The following TANK variants were observed in gnomAD, a reference collection of about 807,000 sequenced individuals.
TANK encodes the protein TRAF family member associated NFKB activator, also known as TRAF family member-associated NF-kappa-B activator.
Under a neutral mutation model 43.6 loss-of-function variants are expected in TANK, and 15 were observed. The ratio of observed to expected loss-of-function variants is 0.34; its 90% CI spans 0.23 to 0.53. The LOEUF (loss-of-function observed/expected upper bound fraction) is 0.53. TANK is among the 20% of genes least tolerant of loss of function. TANK has a pLI of 0.94. For synonymous variants in TANK, 162 were observed against 178.2 expected, an observed-to-expected ratio of 0.91 and a Z score of 0.73; for missense variants, 417 against 498.6, an observed-to-expected ratio of 0.84 and a Z score of 1.56.
upstream of TANK, chr2:161,160,352 G>C (rs1005825603): frequency 3.7e-5 from 39 of 1,047,696 alleles, no homozygotes; most frequent in East Asian, 1.2e-3. Context: ...TTGTTGGGTG[G>C]AGGTGAAGAG....
intron 4 of TANK, among the ~76,000 whole-genome samples, chr2:161,218,963 A>G (rs921721528): frequency 6.6e-6 from 1 of 152,196 alleles, no homozygotes; most frequent in South Asian, 2.1e-4. Flanking sequence ...TTGGGGAAAG[A>G]GTGAAAGGAG....
intron 1 of TANK, among the ~76,000 whole-genome samples, chr2:161,167,889 G>A (rs990030441): frequency 4.7e-4 from 71 of 152,284 alleles, no homozygotes; most frequent in African/African-American, 1.5e-3. Context: ...CTCCCAGAGT[G>A]CTGGGATTAC....
intron 7 of TANK, among the ~76,000 whole-genome samples, chr2:161,233,581 T>C (rs1343675662): frequency 1.3e-5 from 2 of 152,156 alleles, no homozygotes; most frequent in African/African-American, 4.8e-5. Flanking sequence ...TTATTATTGT[T>C]CTATGTGATT....
chr2:161,178,077 A>G (rs1316606095), intron 1 of TANK, among the ~76,000 whole-genome samples: 1 of 152,128 alleles, frequency 6.6e-6, no homozygotes, highest in Non-Finnish European at 1.5e-5. Flanking sequence ...GAAATGTAGA[A>G]TGGTACAGCT....
intron 4 of TANK, 92 bp downstream of exon 4, chr2:161,204,885 C>T: frequency 6.5e-7 from 1 of 1,540,468 alleles, no homozygotes. Flanking sequence ...TGCTGGAATT[C>T]CAAACAGAAG....
intron 1 of TANK, among the ~76,000 whole-genome samples, chr2:161,147,362 G>T (rs1263889345): frequency 2.0e-5 from 3 of 152,180 alleles, no homozygotes; most frequent in African/African-American, 7.2e-5. Flanking sequence ...CTGCCCCTGG[G>T]AACTTAGCAG....
rs1052830698 is a variant in TANK, at chr2:161,204,688, C to T, written c.222C>T (p.Gly74=). The change falls in exon 4 of 8, where the codon GGC becomes GGT. Residue 74 remains glycine, a synonymous_variant. Coordinates refer to ENST00000392749, the MANE Select transcript of TANK (RefSeq NM_001199135.3). Reference sequence around the variant, plus strand: ...TTTGTCTTGCAGATAACAATTATGGCTGTGTTCCTCTGCTTGAAGACAGTG... The same window carrying T: ...TTTGTCTTGCAGATAACAATTATGGTTGTGTTCCTCTGCTTGAAGACAGTG... The part of the protein sequence containing the change: ...LVNSTQDNNY[G]CVPLLEDSET... The T allele has an allele frequency of 3.7e-6, 6 of 1,609,120 alleles. No individual in the cohort carries two copies. Among genetic ancestry groups the T allele is most frequent in the East Asian group, 2.3e-5 (1 of 44,350 alleles).
At chr2:161,140,306 T>C (rs1279026897) in intron 1 of TANK, among the ~76,000 whole-genome samples, 4 of 152,082 alleles carry the variant, frequency 2.6e-5, no homozygotes, top group East Asian at 1.9e-4. Flanking sequence ...CTATTTGGGG[T>C]TTATGCTATT....
intron 1 of TANK, among the ~76,000 whole-genome samples, chr2:161,173,623 G>T (rs1685051172): frequency 6.6e-6 from 1 of 152,002 alleles, no homozygotes; most frequent in Non-Finnish European, 1.5e-5. Flanking sequence ...CCTCTGTGAA[G>T]ATGTGCCCAG....
chr2:161,180,977 GA>G (rs1411173287), intron 2 of TANK, among the ~76,000 whole-genome samples: 1 of 151,638 alleles, frequency 6.6e-6, no homozygotes, highest in African/African-American at 2.4e-5. Context: ...CTCTCAAAAG[GA>G]AAGGTGTTCA....
At chr2:161,201,761 C>G (rs1409133679) in intron 2 of TANK, among the ~76,000 whole-genome samples, 1 of 152,148 alleles carries the variant, frequency 6.6e-6, no homozygotes, top group East Asian at 1.9e-4. Context: ...GCTTACCACA[C>G]TGTTTCTAGG....
Position 161,203,484 on chromosome 2 carries a change from C to T in TANK, c.100-3C>T. On this transcript the variant is annotated splice_polypyrimidine_tract_variant and splice_region_variant and intron_variant, in intron 2 of 7. Coordinates refer to ENST00000392749, the MANE Select transcript of TANK (RefSeq NM_001199135.3). ...TCAGGCTAACTGGTTTTTATGTCAG[C>T]AGACTGAGAACTATGAGCAGAGAAT... 6.2e-7 allele frequency: 1 copy of T among 1,602,144 alleles called. No individual in the cohort carries two copies. The highest frequency in any genetic ancestry group is 8.5e-7 in the Non-Finnish European group (1 of 1,174,012).
At chr2:161,171,255 T>G (rs1684926635) in intron 1 of TANK, among the ~76,000 whole-genome samples, 1 of 152,204 alleles carries the variant, frequency 6.6e-6, no homozygotes, top group Non-Finnish European at 1.5e-5. Context: ...TTCAACAGTC[T>G]GAAGGAGAGA....
At chr2:161,220,488 A>C (rs1687294595) in intron 4 of TANK, among the ~76,000 whole-genome samples, 1 of 152,116 alleles carries the variant, frequency 6.6e-6, no homozygotes, top group African/African-American at 2.4e-5. Flanking sequence ...CTGTAATCTC[A>C]GCTACTTGGG....
At chr2:161,168,662 G>A (rs182823271) in intron 1 of TANK, among the ~76,000 whole-genome samples, 28 of 152,206 alleles carry the variant, frequency 1.8e-4, no homozygotes, top group African/African-American at 6.0e-4. Flanking sequence ...GTGAAACCCC[G>A]TCTCTACTAA....
At chr2:161,173,882 T>G (rs1364999646) in intron 1 of TANK, among the ~76,000 whole-genome samples, 1 of 152,094 alleles carries the variant, frequency 6.6e-6, no homozygotes, top group Non-Finnish European at 1.5e-5. Flanking sequence ...AAGGGTTGCC[T>G]GCATCACAGT....
In TANK at chr2:161,224,055, T is replaced by C. The variant is rs970083945; in HGVS notation, c.404+64T>C. 20 of 1,160,326 alleles carry C rather than the reference T, an allele frequency of 1.7e-5. No individual in the cohort carries two copies. The African/African-American group carries it at 3.2e-4, about 18-fold the overall frequency. The allele number at this position is 1,160,326 out of a possible 1,614,324, so 71.9% of individuals were successfully genotyped here. A position where few individuals can be genotyped will look rare whatever the true frequency, so the allele number is the denominator to read the frequency against. On this transcript the variant is annotated intron_variant, in intron 5 of 7. Coordinates refer to ENST00000392749, the MANE Select transcript of TANK (RefSeq NM_001199135.3). Reference sequence around the variant, plus strand: ...TCAATACTGAAATATATTTTATATTTGTTTTTTTTAAGCTTTAACAATTGC... The same window carrying C: ...TCAATACTGAAATATATTTTATATTCGTTTTTTTTAAGCTTTAACAATTGC...
intron 6 of TANK, among the ~76,000 whole-genome samples, chr2:161,230,732 C>T (rs1323542700): frequency 6.6e-6 from 1 of 152,182 alleles, no homozygotes; most frequent in African/African-American, 2.4e-5. Flanking sequence ...AAGCTTACGG[C>T]AGAAGACTTA....
upstream of TANK, among the ~76,000 whole-genome samples, chr2:161,155,794 CT>C (rs1419725264): frequency 2.0e-5 from 3 of 152,154 alleles, no homozygotes. Context: ...TATATTACCC[CT>C]AATGTAAAAA....
Sources: allele counts gnomAD v4.1 joint callset (sites outside exome capture counted in the v4.1 genomes callset), GRCh38; gene constraint gnomAD v4.1.1; transcripts MANE v1.5; gene names NCBI Gene and HGNC (gene_info 2026-07-23, HGNC 2026-07-21).